The following SYNDIG1 variants were observed in gnomAD, a reference collection of about 807,000 sequenced individuals.
SYNDIG1 encodes the protein synapse differentiation-inducing gene protein 1.
A neutral mutation model predicts 19.4 loss-of-function variants in SYNDIG1; 9 were observed. That is an observed-to-expected ratio of 0.46 (90% CI 0.28 to 0.81). The LOEUF is 0.81. Among genes scored for constraint, SYNDIG1 ranks in the 30% least tolerant of loss-of-function variants. SYNDIG1 has a pLI of 0.12. For synonymous variants in SYNDIG1, 141 were observed against 145.9 expected, an observed-to-expected ratio of 0.97 and a Z score of 0.24; for missense variants, 311 against 343.3, an observed-to-expected ratio of 0.91 and a Z score of 0.74.
intron 1 of SYNDIG1, among the ~76,000 whole-genome samples, chr20:24,511,574 C>T (rs918978080): frequency 8.5e-5 from 13 of 152,142 alleles, no homozygotes; most frequent in African/African-American, 2.9e-4. Context: ...CCTGTCTCCT[C>T]TGCCCCCGCC....
intron 3 of SYNDIG1, among the ~76,000 whole-genome samples, chr20:24,649,142 G>C (rs2059446726): frequency 1.3e-5 from 2 of 152,322 alleles, no homozygotes; most frequent in South Asian, 4.1e-4. Context: ...GCCTCCCCCA[G>C]GGACTGGATG....
At chr20:24,559,055 C>T (rs970147935) in intron 2 of SYNDIG1, among the ~76,000 whole-genome samples, 2 of 152,138 alleles carry the variant, frequency 1.3e-5, no homozygotes, top group African/African-American at 4.8e-5. Flanking sequence ...CAGCACTATT[C>T]ACAATAGCAA....
At chr20:24,654,625 G>A (rs2059504486) in intron 3 of SYNDIG1, among the ~76,000 whole-genome samples, 1 of 146,876 alleles carries the variant, frequency 6.8e-6, no homozygotes, top group East Asian at 2.0e-4. Flanking sequence ...AAGAGAGGGA[G>A]GGAGGAAGGA....
At position 24,484,861 on chromosome 20, in the gene SYNDIG1, C is replaced by T. The variant is rs73901842; in HGVS notation, c.-79+15108C>T. ...CCAAAACTCATGTTGAAATTTGATC[C>T]CCAATGTGGCAGTGTTTGGAGGTGG... is the stretch of plus-strand genomic sequence containing the variant. On this transcript the variant is annotated intron_variant, in intron 1 of 3. Coordinates refer to ENST00000376862, the MANE Select transcript of SYNDIG1 (RefSeq NM_024893.3). 7.8e-3 allele frequency among the ~76,000 whole-genome samples: 1,192 copies of T among 152,100 alleles called. 15 individuals carry two copies. Among genetic ancestry groups the T allele is most frequent in the African/African-American group, 0.027 (1,139 of 41,478 alleles).
chr20:24,650,575 A>G (rs1049472553), intron 3 of SYNDIG1, among the ~76,000 whole-genome samples: 3 of 152,106 alleles, frequency 2.0e-5, no homozygotes, highest in Non-Finnish European at 1.5e-5. Context: ...CAAATTCTCC[A>G]TGTGAGAAAA....
chr20:24,549,384 G>T (rs1600592020), intron 2 of SYNDIG1, among the ~76,000 whole-genome samples: 2 of 152,106 alleles, frequency 1.3e-5, no homozygotes, highest in African/African-American at 4.8e-5. Flanking sequence ...TGCTGCAAAT[G>T]ACATAATTTC....
chr20:24,526,221 C>T (rs1201709631), intron 1 of SYNDIG1, among the ~76,000 whole-genome samples: 1 of 152,058 alleles, frequency 6.6e-6, no homozygotes, highest in African/African-American at 2.4e-5. Flanking sequence ...ATTGTGAATA[C>T]TGATATGTTT....
At chr20:24,559,275 T>C (rs1600625236) in intron 2 of SYNDIG1, among the ~76,000 whole-genome samples, 1 of 152,128 alleles carries the variant, frequency 6.6e-6, no homozygotes, top group South Asian at 2.1e-4. Flanking sequence ...ACCTCCTAAG[T>C]GGGTGGAAAC....
intron 3 of SYNDIG1, among the ~76,000 whole-genome samples, chr20:24,643,551 C>T (rs2059398912): frequency 6.6e-6 from 1 of 152,168 alleles, no homozygotes; most frequent in Admixed American, 6.5e-5. Flanking sequence ...ATTAGTCCTG[C>T]AGTCTCCACT....
chr20:24,544,178 G>A (rs568598719), intron 2 of SYNDIG1, among the ~76,000 whole-genome samples: 1 of 152,330 alleles, frequency 6.6e-6, no homozygotes, highest in South Asian at 2.1e-4. Context: ...GCACAGAGAT[G>A]TACACACTGC....
intron 3 of SYNDIG1, among the ~76,000 whole-genome samples, chr20:24,610,963 G>A (rs1281920397): frequency 6.6e-6 from 1 of 152,168 alleles, no homozygotes. Context: ...TATTTCCTTA[G>A]TCAGAGGGGC....
intron 2 of SYNDIG1, among the ~76,000 whole-genome samples, chr20:24,555,271 AT>A (rs2057790452): frequency 6.6e-6 from 1 of 152,182 alleles, no homozygotes; most frequent in East Asian, 1.9e-4. Context: ...GGATTCATTA[AT>A]TTTTTGAAGG....
chr20:24,625,657 T>C (rs924932846), intron 3 of SYNDIG1, among the ~76,000 whole-genome samples: 6 of 151,858 alleles, frequency 4.0e-5, no homozygotes, highest in Admixed American at 6.5e-5. Flanking sequence ...ACAGCACATG[T>C]TTCAGAGAGC....
intron 3 of SYNDIG1, among the ~76,000 whole-genome samples, chr20:24,598,970 A>G (rs1230462594): frequency 1.3e-5 from 2 of 152,220 alleles, no homozygotes; most frequent in Non-Finnish European, 2.9e-5. Context: ...ACAGGCAACC[A>G]AAACAAAAAT....
intron 3 of SYNDIG1, among the ~76,000 whole-genome samples, chr20:24,647,170 A>G (rs2059429855): frequency 6.6e-6 from 1 of 152,156 alleles, no homozygotes; most frequent in Non-Finnish European, 1.5e-5. Flanking sequence ...ACTTCATTAG[A>G]AGGTCTAAGT....
intron 1 of SYNDIG1, among the ~76,000 whole-genome samples, chr20:24,483,409 G>A (rs1404510626): frequency 6.6e-6 from 1 of 152,168 alleles, no homozygotes; most frequent in Non-Finnish European, 1.5e-5. Flanking sequence ...AAACCCAAAA[G>A]TTTAGAAATT....
At chr20:24,577,394 G>C (rs2058247132) in intron 2 of SYNDIG1, among the ~76,000 whole-genome samples, 1 of 152,234 alleles carries the variant, frequency 6.6e-6, no homozygotes, top group South Asian at 2.1e-4. Flanking sequence ...GGACCCCTGG[G>C]GCTTGCCCCG....
chr20:24,581,948 C>A (rs1405263436), intron 2 of SYNDIG1, among the ~76,000 whole-genome samples: 1 of 150,314 alleles, frequency 6.7e-6, no homozygotes, highest in Non-Finnish European at 1.5e-5. Flanking sequence ...CACATCCTCC[C>A]TGCTGCACGT....
chr20:24,624,044 C>T (rs556958343), intron 3 of SYNDIG1, among the ~76,000 whole-genome samples: 3 of 152,178 alleles, frequency 2.0e-5, no homozygotes, highest in African/African-American at 4.8e-5. Flanking sequence ...CGACGAATCA[C>T]GAAGTCAGGA....
Sources: allele counts gnomAD v4.1 joint callset (sites outside exome capture counted in the v4.1 genomes callset), GRCh38; gene constraint gnomAD v4.1.1; transcripts MANE v1.5; gene names NCBI Gene and HGNC (gene_info 2026-07-23, HGNC 2026-07-21).